The following TECTA variants were observed in gnomAD, a reference collection of about 807,000 sequenced individuals.
The protein encoded by TECTA is alpha-tectorin.
Under a neutral mutation model 216.8 loss-of-function variants are expected in TECTA, and 128 were observed. That is an observed-to-expected ratio of 0.59 (90% CI 0.51 to 0.68). The LOEUF is 0.68. TECTA is among the 30% of genes least tolerant of loss of function. The probability of loss-of-function intolerance (pLI) is 0.00; values close to 1 mark genes in which losing one functional copy is unlikely to be tolerated. For synonymous variants in TECTA, 1,089 were observed against 1,117.1 expected (o/e 0.97, Z 0.50); for missense variants, 2,551 against 2,786.2 (o/e 0.92, Z 1.90).
At chr11:121,111,345 C>A (rs1276201880) in intron 4 of TECTA, among the ~76,000 whole-genome samples, 2 of 152,204 alleles carry the variant, frequency 1.3e-5, no homozygotes, top group Admixed American at 1.3e-4. Context: ...GGGTTCAAAC[C>A]AAAGTCTTCC....
intron 20 of TECTA, among the ~76,000 whole-genome samples, chr11:121,173,938 T>C (rs747603905): frequency 0.02 from 2,974 of 151,892 alleles, 52 homozygotes; most frequent in Non-Finnish European, 0.032. Flanking sequence ...AGGTATTTTA[T>C]TCTCTTTGAA....
chr11:121,148,164 G>T (rs1416283859), intron 12 of TECTA, among the ~76,000 whole-genome samples: 4 of 152,152 alleles, frequency 2.6e-5, no homozygotes, highest in Admixed American at 6.6e-5. Flanking sequence ...GGCACCCAGA[G>T]CCGAGTCTGC....
chr11:121,187,334 C>T (rs1309705248), intron 20 of TECTA, among the ~76,000 whole-genome samples: 2 of 152,316 alleles, frequency 1.3e-5, no homozygotes, highest in East Asian at 1.9e-4. Context: ...TACATCAAAA[C>T]GACTCTGCAG....
In TECTA at chr11:121,139,684, T is replaced by C. The variant is rs1457730984; in HGVS notation, c.3543+1662T>C. ...CAGCCTGGACGACAGAGCAAGACTC[T>C]GTCTCAAAAAAAAAAAAATAATGAA... On this transcript the variant is annotated intron_variant, in intron 11 of 23. Coordinates refer to ENST00000392793, the MANE Select transcript of TECTA (RefSeq NM_005422.4). Among the ~76,000 whole-genome samples, 8 of 128,650 alleles carry C rather than the reference T, an allele frequency of 6.2e-5. 1 individual carries two copies. In the East Asian group the frequency reaches 1.5e-3, roughly 25 times the overall value. 84.4% of individuals were successfully genotyped at this position (128,650 alleles called of 152,430 possible).
At chr11:121,126,599 T>C (rs1864035587) in intron 8 of TECTA, among the ~76,000 whole-genome samples, 1 of 152,220 alleles carries the variant, frequency 6.6e-6, no homozygotes, top group Admixed American at 6.5e-5. Context: ...GTTTTCTCCA[T>C]ATGAGTAAAT....
chr11:121,147,305 T>G (rs1255343188), intron 12 of TECTA, among the ~76,000 whole-genome samples: 3 of 152,074 alleles, frequency 2.0e-5, no homozygotes, highest in Non-Finnish European at 1.5e-5. Context: ...AAAAGGAGAT[T>G]CAGATGAAAA....
intron 11 of TECTA, among the ~76,000 whole-genome samples, chr11:121,142,472 G>A (rs1242635322): frequency 6.6e-6 from 1 of 152,190 alleles, no homozygotes; most frequent in Non-Finnish European, 1.5e-5. Context: ...AGTAGAGGGT[G>A]TTCCTGTCTC....
intron 10 of TECTA, among the ~76,000 whole-genome samples, chr11:121,135,050 A>G (rs1262268740): frequency 6.6e-6 from 1 of 152,152 alleles, no homozygotes; most frequent in African/African-American, 2.4e-5. Flanking sequence ...GTCCCCCAGG[A>G]TGTCTTATCT....
At chr11:121,179,571 A>T (rs980715674) in intron 20 of TECTA, among the ~76,000 whole-genome samples, 2 of 152,158 alleles carry the variant, frequency 1.3e-5, no homozygotes, top group African/African-American at 2.4e-5. Flanking sequence ...GTGCAATTTA[A>T]GTAAATTTTT....
chr11:121,157,045 T>C (rs953437419), intron 13 of TECTA, among the ~76,000 whole-genome samples: 3 of 152,198 alleles, frequency 2.0e-5, no homozygotes, highest in African/African-American at 7.2e-5. Context: ...GTGAGGATTG[T>C]GAAATGTGAA....
intron 14 of TECTA, among the ~76,000 whole-genome samples, chr11:121,158,628 A>T (rs1946968594): frequency 6.6e-6 from 1 of 152,150 alleles, no homozygotes; most frequent in Admixed American, 6.5e-5. Flanking sequence ...CATCTTTGCC[A>T]TCCTTTCTAT....
intron 10 of TECTA, among the ~76,000 whole-genome samples, chr11:121,136,808 A>G (rs909408207): frequency 6.6e-6 from 1 of 152,206 alleles, no homozygotes; most frequent in Non-Finnish European, 1.5e-5. Flanking sequence ...CTTACTAGTT[A>G]GATTTATTTA....
At chr11:121,166,893 C>A in intron 18 of TECTA, 113 bp downstream of exon 18, 1 of 1,238,884 alleles carries the variant, frequency 8.1e-7, no homozygotes, top group East Asian at 2.4e-5. Flanking sequence ...AAATATGCTC[C>A]TTAGAAAACA....
intron 6 of TECTA, among the ~76,000 whole-genome samples, chr11:121,117,511 C>A (rs1474216591): frequency 6.6e-6 from 1 of 152,166 alleles, no homozygotes; most frequent in Non-Finnish European, 1.5e-5. Context: ...GACTGCATGT[C>A]TACCAAAGAA....
At chr11:121,162,447 AG>A in intron 16 of TECTA, 77 bp downstream of exon 16, 1 of 1,499,254 alleles carries the variant, frequency 6.7e-7, no homozygotes, top group Non-Finnish European at 9.0e-7. Context: ...TGCTTTTTCT[AG>A]GGATGACTGG....
At chr11:121,189,986 C>A in intron 23 of TECTA, 106 bp downstream of exon 23, 1 of 876,272 alleles carries the variant, frequency 1.1e-6, no homozygotes, top group Non-Finnish European at 1.9e-6. Flanking sequence ...GCAACTCTCC[C>A]TCGAAAACTC....
Position 121,130,001 on chromosome 11 carries a change from A to G in TECTA, c.2731A>G (p.Arg911Gly), listed in dbSNP as rs1946656712. The G allele has an allele frequency of 1.2e-6, 2 of 1,606,994 alleles. No individual in the cohort carries two copies. The highest frequency in any genetic ancestry group is 3.4e-5 in the Admixed American group (2 of 59,570). ...ELLKFYRSRS[R>G]CGIINDPSNS... Reference sequence around the variant, plus strand: ...GCTCAAGTTTTATCGAAGCCGCTCCAGGTGCGGCATCATCAACGACCCCTC... The same window carrying G: ...GCTCAAGTTTTATCGAAGCCGCTCCGGGTGCGGCATCATCAACGACCCCTC... The change falls in exon 10 of 24, where the codon AGG becomes GGG. Residue 911 changes from arginine (R) to glycine (G), a missense_variant. By Grantham distance (125) the Arg-to-Gly change is moderately radical. This residue lies in a region of TECTA where 2,375 missense variants were observed against 2,563.9 expected (regional missense o/e 0.93). Coordinates refer to ENST00000392793, the MANE Select transcript of TECTA (RefSeq NM_005422.4).
In TECTA at chr11:121,113,202, T is replaced by C. The variant is rs777895914; in HGVS notation, c.617T>C (p.Met206Thr). Reference protein sequence around the residue: ...GDPLTGLGGVMAQAGFNGGNL... With the variant: ...GDPLTGLGGVTAQAGFNGGNL... ...CCCCTGACAGGTCTTGGTGGAGTGATGGCACAGGTAGGTGGCTCTCCACTT... is the reference window on the plus strand; with the variant it reads ...CCCCTGACAGGTCTTGGTGGAGTGACGGCACAGGTAGGTGGCTCTCCACTT... The change falls in exon 5 of 24, where the codon ATG becomes ACG. Residue 206 changes from methionine (M) to threonine (T), a missense_variant. Coordinates refer to ENST00000392793, the MANE Select transcript of TECTA (RefSeq NM_005422.4). This position sits in a 1 kb window ranked among gnomAD's most constrained non-coding sequence, Gnocchi z 4.2. 5.6e-6 allele frequency: 9 copies of C among 1,613,738 alleles called. No homozygotes were observed. The Admixed American group carries it at 1.0e-4, about 18-fold the overall frequency.
chr11:121,182,201 T>G (rs952186948), intron 20 of TECTA, among the ~76,000 whole-genome samples: 14 of 152,052 alleles, frequency 9.2e-5, no homozygotes, highest in African/African-American at 3.4e-4. Flanking sequence ...GGGCCAATCC[T>G]TGGTCAGTGG....
Sources: gnomAD v4.1 joint callset for allele counts (sites outside exome capture counted in the v4.1 genomes callset) on GRCh38, gnomAD v4.1.1 for gene constraint, gnomAD v4.1.1 regional missense constraint, Gnocchi (gnomAD v3.1) non-coding constraint, MANE v1.5 for transcripts, NCBI Gene and HGNC (gene_info 2026-07-23, HGNC 2026-07-21) for gene names.